Variants in FAM163A observed in about 807,000 individuals in gnomAD.
FAM163A encodes the protein protein FAM163A.
A neutral mutation model predicts 12.0 loss-of-function variants in FAM163A; 7 were observed. That is an observed-to-expected ratio of 0.58 (90% CI 0.33 to 1.10). The LOEUF is 1.10. Ranked by LOEUF, FAM163A falls within the 50% of genes least tolerant of loss-of-function variation. The pLI, the probability that FAM163A is intolerant of heterozygous loss-of-function variation, is 0.03. For missense variants in FAM163A, 202 were observed against 218.6 expected (o/e 0.92, Z 0.48); for synonymous variants, 101 against 91.0 (o/e 1.11, Z -0.62).
At chr1:179,774,539 C>G (rs1688688467) in intron 1 of FAM163A, among the ~76,000 whole-genome samples, 1 of 152,146 alleles carries the variant, frequency 6.6e-6, no homozygotes, top group Non-Finnish European at 1.5e-5. Flanking sequence ...GAGAATGATC[C>G]CCAGTGATAC....
the FAM163A span, among the ~76,000 whole-genome samples, chr1:179,738,147 C>A: frequency 6.6e-6 from 1 of 152,054 alleles, no homozygotes; most frequent in Non-Finnish European, 1.5e-5. Context: ...TTAACAGATA[C>A]AAAAGTACAG....
intron 1 of FAM163A, among the ~76,000 whole-genome samples, chr1:179,805,319 A>G (rs1220263891): frequency 6.6e-6 from 1 of 152,150 alleles, no homozygotes; most frequent in Non-Finnish European, 1.5e-5. Context: ...GGAGTTTGAG[A>G]CCAGCCTGGA....
chr1:179,774,259 G>A (rs1688649998), intron 1 of FAM163A, among the ~76,000 whole-genome samples: 1 of 152,194 alleles, frequency 6.6e-6, no homozygotes, highest in Non-Finnish European at 1.5e-5. Flanking sequence ...AGGAGGGACA[G>A]GCACATTGCA....
intron 1 of FAM163A, among the ~76,000 whole-genome samples, chr1:179,767,816 G>C (rs1687713479): frequency 6.6e-6 from 1 of 152,074 alleles, no homozygotes; most frequent in Non-Finnish European, 1.5e-5. Flanking sequence ...ATAGCCAGAA[G>C]GGACCTCAGA....
chr1:179,777,620 T>A (rs1222951485), intron 1 of FAM163A, among the ~76,000 whole-genome samples: 1 of 152,166 alleles, frequency 6.6e-6, no homozygotes, highest in East Asian at 1.9e-4. Context: ...GGTACACTCC[T>A]TTCAAAGAGC....
Position 179,813,149 on chromosome 1 carries a change from C to T in FAM163A, c.52C>T (p.Leu18Phe), listed in dbSNP as rs1403683637. 1.3e-6 allele frequency: 2 copies of T among 1,551,924 alleles called. No homozygotes were observed. Among genetic ancestry groups the T allele is most frequent in the African/African-American group, 1.4e-5 (1 of 73,204 alleles). ...ITGGILATVILLCIIAVLCYC... is the reference protein window; with the variant it reads ...ITGGILATVIFLCIIAVLCYC... ...TGGCGGAATCCTAGCTACGGTGATC[C>T]TCCTCTGCATCATTGCCGTCCTGTG... is the stretch of plus-strand genomic sequence containing the variant. The change falls in exon 4 of 5, where the codon CTC becomes TTC. Residue 18 changes from leucine (L) to phenylalanine (F), a missense_variant. Physicochemically the swap from Leu to Phe is conservative, Grantham distance 22 (BLOSUM62 0). Transcript: ENST00000341785.
At chr1:179,802,653 G>C (rs1347659351) in intron 1 of FAM163A, among the ~76,000 whole-genome samples, 1 of 152,146 alleles carries the variant, frequency 6.6e-6, no homozygotes, top group Non-Finnish European at 1.5e-5. Flanking sequence ...GTGGTACCAG[G>C]TCACTCCCTC....
chr1:179,762,904 C>T (rs1687001261), intron 1 of FAM163A, among the ~76,000 whole-genome samples: 2 of 152,186 alleles, frequency 1.3e-5, no homozygotes, highest in Non-Finnish European at 2.9e-5. Context: ...AATTTTCCTT[C>T]TGCTTTTCAG....
chr1:179,792,283 TTGTGTGTGTGTG>T (rs3075152), intron 1 of FAM163A, among the ~76,000 whole-genome samples: 15 of 133,652 alleles, frequency 1.1e-4, no homozygotes, highest in South Asian at 5.3e-4. Flanking sequence ...CCATATCTGA[TTGTGTGTGTGTG>T]TGTGTGTGTG....
Position 179,783,129 on chromosome 1 carries a change from T to TAA in FAM163A, c.-135-24655_-135-24654dup, listed in dbSNP as rs11378381. Among the ~76,000 whole-genome samples the TAA allele has an allele frequency of 3.8e-3, 543 of 141,352 alleles. 3 individuals are homozygous for TAA. Among genetic ancestry groups the TAA allele is most frequent in the African/African-American group, 0.011 (414 of 38,316 alleles). The allele number at this position is 141,352 out of a possible 152,430, so 92.7% of individuals were successfully genotyped here. A position where few individuals can be genotyped will look rare whatever the true frequency, so the allele number is the denominator to read the frequency against. On this transcript the variant is annotated intron_variant, in intron 1 of 4. Transcript: ENST00000341785. ...GGGCGACAAGAGTGAAACTCCGTCTTAAAAAAAAAAAAAAAGGAAAAAGCC... is the reference window on the plus strand; with the variant it reads ...GGGCGACAAGAGTGAAACTCCGTCTTAAAAAAAAAAAAAAAAAGGAAAAAGCC...
At chr1:179,757,956 C>T (rs1686265194) in intron 1 of FAM163A, among the ~76,000 whole-genome samples, 1 of 152,216 alleles carries the variant, frequency 6.6e-6, no homozygotes, top group African/African-American at 2.4e-5. Context: ...GACAACTGAA[C>T]AATGATGACT....
chr1:179,783,550 GA>G (rs1169535728), intron 1 of FAM163A, among the ~76,000 whole-genome samples: 1 of 151,364 alleles, frequency 6.6e-6, no homozygotes, highest in Non-Finnish European at 1.5e-5. Context: ...AGAATGAATA[GA>G]AAAAGATAAT....
chr1:179,750,480 G>A (rs746460762), intron 1 of FAM163A, among the ~76,000 whole-genome samples: 14 of 152,216 alleles, frequency 9.2e-5, no homozygotes, highest in Non-Finnish European at 1.6e-4. Flanking sequence ...CTAAGGAGGT[G>A]AGGTGACTTT....
intron 1 of FAM163A, among the ~76,000 whole-genome samples, chr1:179,762,564 C>G (rs1254419390): frequency 6.6e-6 from 1 of 152,172 alleles, no homozygotes; most frequent in African/African-American, 2.4e-5. Context: ...CTTCTTGGGG[C>G]ACATTTGAGG....
chr1:179,795,176 T>C (rs940127865), intron 1 of FAM163A, among the ~76,000 whole-genome samples: 3 of 152,188 alleles, frequency 2.0e-5, no homozygotes, highest in Non-Finnish European at 4.4e-5. Flanking sequence ...GACACATCAT[T>C]ATAAAACAGC....
intron 1 of FAM163A, among the ~76,000 whole-genome samples, chr1:179,774,187 C>T (rs1288637577): frequency 6.6e-6 from 1 of 152,324 alleles, no homozygotes; most frequent in East Asian, 1.9e-4. Flanking sequence ...GGAGCTTCTG[C>T]TCAGCCAGAA....
At chr1:179,808,166 C>G (rs1054747197) in intron 2 of FAM163A, among the ~76,000 whole-genome samples, 2 of 152,086 alleles carry the variant, frequency 1.3e-5, no homozygotes, top group African/African-American at 4.8e-5. Flanking sequence ...AGAAACTCCA[C>G]AGCACTGGCC....
chr1:179,731,121 AT>A, the FAM163A span, among the ~76,000 whole-genome samples: 5 of 152,316 alleles, frequency 3.3e-5, no homozygotes, highest in African/African-American at 1.2e-4. Flanking sequence ...AACCTGATAC[AT>A]TTTTTGAAAA....
intron 1 of FAM163A, among the ~76,000 whole-genome samples, chr1:179,785,477 T>C (rs553275794): frequency 6.6e-6 from 1 of 152,284 alleles, no homozygotes; most frequent in South Asian, 2.1e-4. Flanking sequence ...TGGGTGTAGC[T>C]GGGAATTCTG....
Sources: allele counts gnomAD v4.1 joint callset (sites outside exome capture counted in the v4.1 genomes callset), GRCh38; gene constraint gnomAD v4.1.1; transcripts MANE v1.5; gene names NCBI Gene and HGNC (gene_info 2026-07-23, HGNC 2026-07-21).